SCAI: variants seen among roughly 807,000 people sequenced by gnomAD.
SCAI encodes the protein suppressor of cancer cell invasion.
Under a neutral mutation model 92.2 loss-of-function variants are expected in SCAI, and 24 were observed. The observed-to-expected ratio is 0.26, with a 90% CI of 0.19 to 0.37. The LOEUF (loss-of-function observed/expected upper bound fraction) is 0.37, where lower values mean the gene tolerates loss of function less well. SCAI is among the 10% of genes least tolerant of loss of function. The pLI is 1.00. For synonymous variants in SCAI, 261 were observed against 258.6 expected (o/e 1.01, Z -0.09); for missense variants, 450 against 736.2 (o/e 0.61, Z 4.50).
At position 125,142,669 on chromosome 9, in the gene SCAI, C is replaced by A; in HGVS notation, c.62G>T (p.Gly21Val). ...PRSRLAPRLT[G>V]TVEKPPRKRR... The stretch of plus-strand genomic sequence containing the variant: ...TTTTCGAGGCGGTTTCTCCACTGTG[C>A]CAGTCAGTCTGCAGACCAAACAAAT... Residue 21 changes from glycine (G) to valine (V), a missense_variant, in exon 2 of 18, where the codon GGC (glycine) becomes GTC (valine). Gly to Val is a moderately radical substitution (Grantham distance 109). Coordinates refer to ENST00000336505, the MANE Select transcript of SCAI (RefSeq NM_001144877.3). The A allele has an allele frequency of 6.2e-7, 1 of 1,613,366 alleles. No homozygotes were observed. Among genetic ancestry groups the A allele is most frequent in the Non-Finnish European group, 8.5e-7 (1 of 1,179,362 alleles).
chr9:125,002,488 G>GTTTTTTTTTTTTTTTTTTTTTTTTTT (rs58586769), intron 11 of SCAI, among the ~76,000 whole-genome samples: 8 of 125,104 alleles, frequency 6.4e-5, no homozygotes, highest in African/African-American at 1.3e-4. Context: ...TTTTTAGTCT[G>GTTTTTTTTTTTTTTTTTTTTTTTTTT]TTTTTTTTTT....
intron 2 of SCAI, among the ~76,000 whole-genome samples, chr9:125,112,659 C>T (rs1588233598): frequency 6.6e-6 from 1 of 152,142 alleles, no homozygotes; most frequent in Non-Finnish European, 1.5e-5. Context: ...CACATTGTGC[C>T]CCAGTAGCAA....
At chr9:125,090,990 C>T (rs1307290279) in intron 2 of SCAI, among the ~76,000 whole-genome samples, 8 of 152,096 alleles carry the variant, frequency 5.3e-5, no homozygotes, top group African/African-American at 1.7e-4. Flanking sequence ...TGGTGGCAGG[C>T]GCCTGTAGTT....
chr9:125,117,683 A>AC, intron 2 of SCAI, among the ~76,000 whole-genome samples: 2 of 151,560 alleles, frequency 1.3e-5, no homozygotes, highest in South Asian at 4.2e-4. Context: ...AAAAAAAAAA[A>AC]AAAAAAGCTT....
chr9:125,007,490 A>C (rs763509774), intron 9 of SCAI, among the ~76,000 whole-genome samples: 13 of 152,008 alleles, frequency 8.6e-5, no homozygotes, highest in Non-Finnish European at 1.8e-4. Context: ...GGAGTTTGAG[A>C]CCAGCCTTGG....
intron 2 of SCAI, among the ~76,000 whole-genome samples, chr9:125,128,580 C>T (rs1463347748): frequency 6.6e-6 from 1 of 151,456 alleles, no homozygotes; most frequent in African/African-American, 2.4e-5. Context: ...AGTGAAATGC[C>T]GTCTCTACTA....
At chr9:125,123,771 T>TCAAAGAAA (rs1414693779) in intron 2 of SCAI, among the ~76,000 whole-genome samples, 1 of 152,202 alleles carries the variant, frequency 6.6e-6, no homozygotes, top group African/African-American at 2.4e-5. Context: ...AGACTCCGTC[T>TCAAAGAAA]CAAAGAAACA....
intron 2 of SCAI, among the ~76,000 whole-genome samples, chr9:125,056,269 C>T (rs1158860531): frequency 6.6e-6 from 1 of 152,088 alleles, no homozygotes; most frequent in Non-Finnish European, 1.5e-5. Flanking sequence ...AGTTCAAGAC[C>T]AGCCTGGCCA....
At position 125,083,053 on chromosome 9, in the gene SCAI, T is replaced by C. The variant is rs559111623; in HGVS notation, c.99-27046A>G. Reference sequence around the variant, plus strand: ...GTTTGGCTTCCCCACCCAAATCTCATCTTGAATTCCCATGTGTTGTGGGAG... The same window carrying C: ...GTTTGGCTTCCCCACCCAAATCTCACCTTGAATTCCCATGTGTTGTGGGAG... On this transcript the variant is annotated intron_variant, in intron 2 of 17. Transcript: ENST00000336505. Among the ~76,000 whole-genome samples, 11 of 152,308 alleles carry C rather than the reference T, an allele frequency of 7.2e-5. No individual in the cohort carries two copies. The South Asian group carries it at 1.5e-3, about 20-fold the overall frequency.
chr9:125,002,098 G>A (rs2131632280), intron 11 of SCAI, 55 bp from the exon 12 acceptor site: 1 of 1,212,328 alleles, frequency 8.2e-7, no homozygotes, highest in East Asian at 2.3e-5. Flanking sequence ...AAACAACATG[G>A]TTTTATTTAA....
chr9:124,967,662 T>TAC (rs59150863), intron 17 of SCAI, among the ~76,000 whole-genome samples: 2,973 of 150,602 alleles, frequency 0.02, 81 homozygotes, highest in African/African-American at 0.066. Flanking sequence ...AATAAAAAAA[T>TAC]ACACACACAC....
chr9:125,047,081 TGTTATTC>T (rs1160582791), intron 3 of SCAI, among the ~76,000 whole-genome samples: 1 of 152,158 alleles, frequency 6.6e-6, no homozygotes, highest in Non-Finnish European at 1.5e-5. Context: ...TGGGCTGAAT[TGTTATTC>T]CCAAAACTCG....
chr9:125,126,567 G>GGGGTGTGTGT (rs1554794290), intron 2 of SCAI, among the ~76,000 whole-genome samples: 1 of 128,500 alleles, frequency 7.8e-6, no homozygotes, highest in South Asian at 2.6e-4. Flanking sequence ...GGTGGGTGTG[G>GGGGTGTGTGT]GTGTGTGTGT....
intron 2 of SCAI, among the ~76,000 whole-genome samples, chr9:125,122,703 G>T (rs10986574): frequency 6.6e-6 from 1 of 150,686 alleles, no homozygotes; most frequent in African/African-American, 2.4e-5. Context: ...CCAGGAGTTC[G>T]AGACCAGCCT....
chr9:125,108,881 G>A (rs1467944584), intron 2 of SCAI, among the ~76,000 whole-genome samples: 3 of 152,230 alleles, frequency 2.0e-5, no homozygotes, highest in Non-Finnish European at 2.9e-5. Context: ...CACTGAGAAC[G>A]GGCCATGATG....
At chr9:125,016,035 CG>C (rs1370995116) in intron 9 of SCAI, among the ~76,000 whole-genome samples, 1 of 71,152 alleles carries the variant, frequency 1.4e-5, no homozygotes, top group Non-Finnish European at 2.5e-5. Flanking sequence ...TGTTGTGGGG[CG>C]GGGGGAGGGG....
chr9:125,098,112 T>C (rs1437548917), intron 2 of SCAI, among the ~76,000 whole-genome samples: 2 of 151,904 alleles, frequency 1.3e-5, no homozygotes, highest in Non-Finnish European at 1.5e-5. Context: ...TAGGGTACAG[T>C]GGCACAATCA....
In SCAI at chr9:124,950,181, T is replaced by C. The variant is rs571794911; in HGVS notation, c.*2626A>G. 4 of 152,118 alleles carry C rather than the reference T, an allele frequency of 2.6e-5. No individual in the cohort carries two copies. Among genetic ancestry groups the C allele is most frequent in the Admixed American group, 1.3e-4 (2 of 15,278 alleles). The allele number at this position is 152,118 out of a possible 1,614,324, so 9.4% of individuals were successfully genotyped here. On this transcript the variant is annotated 3_prime_UTR_variant, in exon 18 of 18. Transcript: ENST00000336505. Reference sequence around the variant, plus strand: ...TAAATATGACTTACAAAAGAAAAGGTTGTGTACACTACAAACAGGGTAAAT... The same window carrying C: ...TAAATATGACTTACAAAAGAAAAGGCTGTGTACACTACAAACAGGGTAAAT...
chr9:125,136,254 G>T (rs969864550), intron 2 of SCAI, among the ~76,000 whole-genome samples: 4 of 150,116 alleles, frequency 2.7e-5, no homozygotes, highest in African/African-American at 9.8e-5. Flanking sequence ...GGGACTACAG[G>T]TGTGTACCAC....
Sources: gnomAD v4.1 joint callset for allele counts (sites outside exome capture counted in the v4.1 genomes callset) on GRCh38, gnomAD v4.1.1 for gene constraint, MANE v1.5 for transcripts, NCBI Gene and HGNC (gene_info 2026-07-23, HGNC 2026-07-21) for gene names.